ABCA12: variants seen among roughly 807,000 people sequenced by gnomAD.
ABCA12 encodes ATP binding cassette subfamily A member 12.
Under a neutral mutation model 293.5 loss-of-function variants are expected in ABCA12, and 156 were observed. The observed-to-expected ratio is 0.53, with a 90% CI of 0.47 to 0.61. The LOEUF is 0.61. Ranked by LOEUF, ABCA12 falls within the 20% of genes least tolerant of loss-of-function variation. The probability of loss-of-function intolerance (pLI) is 0.00; values close to 1 mark genes in which losing one functional copy is unlikely to be tolerated. For synonymous variants in ABCA12, 1,063 were observed against 1,108.0 expected, an observed-to-expected ratio of 0.96 and a Z score of 0.81; for missense variants, 2,797 against 3,090.2, an observed-to-expected ratio of 0.91 and a Z score of 2.25.
chr2:215,046,092 C>A, intron 6 of ABCA12, 77 bp from the exon 7 acceptor site: 1 of 1,448,530 alleles, frequency 6.9e-7, no homozygotes, highest in South Asian at 1.2e-5. Context: ...TTTTTAAAAG[C>A]ATCAAAAATC....
intron 37 of ABCA12, among the ~76,000 whole-genome samples, chr2:214,969,222 A>T (rs911897757): frequency 5.9e-5 from 9 of 152,048 alleles, no homozygotes; most frequent in African/African-American, 1.9e-4. Context: ...TCTTCTATAT[A>T]ACAAATTTTC....
chr2:215,019,568 G>T lies in ABCA12; in HGVS notation c.1516C>A (p.Pro506Thr), dbSNP rs770316246. The T allele has an allele frequency of 4.3e-6, 7 of 1,614,112 alleles. 1 individual carries two copies. The Admixed American group carries it at 5.0e-5, about 12-fold the overall frequency. ...TCCATATTTAAATTAATTTTGCTTGGATCTCCAGTCAGCAAATCTCTCACT... is the reference window on the plus strand; with the variant it reads ...TCCATATTTAAATTAATTTTGCTTGTATCTCCAGTCAGCAAATCTCTCACT... ...KKVRDLLTGD[P>T]SKINLNMDQF... Residue 506 changes from proline (P) to threonine (T), a missense_variant, in exon 12 of 53, where the codon CCA becomes ACA. Physicochemically the swap from Pro to Thr is conservative, Grantham distance 38. Transcript: ENST00000272895.
rs760085882 is a variant in ABCA12, at chr2:214,973,987, T to C, written c.5524A>G (p.Thr1842Ala). The change falls in exon 36 of 53, where the codon ACT (threonine) becomes GCT (alanine). Residue 1842 changes from threonine (T) to alanine (A), a missense_variant. Transcript: ENST00000272895. ...GAGCAGGAGCAAACACCAAAATTAGTGATGGGTTCTCCACTGGTGTTCCAT... is the reference window on the plus strand; with the variant it reads ...GAGCAGGAGCAAACACCAAAATTAGCGATGGGTTCTCCACTGGTGTTCCAT... Reference protein sequence around the residue: ...EKWNTSGEPITNFGVCSCSEN... With the variant: ...EKWNTSGEPIANFGVCSCSEN... 6 of 1,613,930 alleles carry C rather than the reference T, an allele frequency of 3.7e-6. No individual in the cohort carries two copies. In the Admixed American group the frequency reaches 5.0e-5, roughly 13 times the overall value.
At chr2:215,120,299 G>A (rs1239211356) in intron 1 of ABCA12, among the ~76,000 whole-genome samples, 1 of 152,040 alleles carries the variant, frequency 6.6e-6, no homozygotes, top group Non-Finnish European at 1.5e-5. Flanking sequence ...GGAGACATGG[G>A]TTGAAAAACT....
chr2:215,051,609 AGTGTGTGTGTGTGTGTGT>A (rs3050094), intron 5 of ABCA12, among the ~76,000 whole-genome samples: 1 of 121,354 alleles, frequency 8.2e-6, no homozygotes, highest in African/African-American at 2.8e-5. Context: ...TAAAAACGCT[AGTGTGTGTGTGTGTGTGT>A]GTGTGTGTGT....
intron 8 of ABCA12, among the ~76,000 whole-genome samples, chr2:215,035,429 G>A (rs1291208548): frequency 4.6e-5 from 7 of 152,024 alleles, no homozygotes; most frequent in Non-Finnish European, 1.0e-4. Flanking sequence ...CAGCACTTTG[G>A]GAGGCTGAGG....
Position 214,983,628 on chromosome 2 carries a change from C to T in ABCA12, c.4382+19G>A. 1 of 1,609,970 alleles carries T rather than the reference C, an allele frequency of 6.2e-7. No homozygotes were observed. On this transcript the variant is annotated intron_variant, in intron 29 of 52. Coordinates refer to ENST00000272895, the MANE Select transcript of ABCA12 (RefSeq NM_173076.3). ...GAGAGGAGTTAGCAACTTAGGTTCT[C>T]ATTCCTGTCTTAACTTGCCTTTTTA...
At position 214,932,540 on chromosome 2, in the gene ABCA12, TA is replaced by T; in HGVS notation, c.*93del. 1 of 941,676 alleles carries T rather than the reference TA, an allele frequency of 1.1e-6. No homozygotes were observed. The highest frequency in any genetic ancestry group is 1.7e-6 in the Non-Finnish European group (1 of 589,980). 58.3% of individuals were successfully genotyped at this position (941,676 alleles called of 1,614,324 possible). On this transcript the variant is annotated 3_prime_UTR_variant, in exon 53 of 53. Transcript: ENST00000272895. ...TTCCATACAGTATATTACTTTACTT[TA>T]AAATGAAGATATCTTGCGGAAGTGT...
intron 1 of ABCA12, among the ~76,000 whole-genome samples, chr2:215,117,503 T>G (rs1480142879): frequency 6.6e-6 from 1 of 152,228 alleles, no homozygotes; most frequent in Admixed American, 6.5e-5. Flanking sequence ...TCTAGTAATA[T>G]TTTCCTCTGC....
chr2:215,082,928 T>C (rs984135992), intron 2 of ABCA12, among the ~76,000 whole-genome samples: 4 of 152,248 alleles, frequency 2.6e-5, no homozygotes, highest in South Asian at 2.1e-4. Flanking sequence ...TAAACATCAT[T>C]TCCCTTCTTA....
intron 2 of ABCA12, among the ~76,000 whole-genome samples, chr2:215,094,468 C>A (rs562077721): frequency 6.6e-6 from 1 of 152,202 alleles, no homozygotes; most frequent in Non-Finnish European, 1.5e-5. Flanking sequence ...CCTTCCCACT[C>A]AAGGCAAATG....
At chr2:215,031,780 A>C (rs755106145) in intron 9 of ABCA12, 41 bp downstream of exon 9, 2 of 1,612,238 alleles carry the variant, frequency 1.2e-6, no homozygotes, top group Non-Finnish European at 1.7e-6. Flanking sequence ...TTGTTTATTC[A>C]GCCAAGTTAT....
chr2:215,068,176 T>C (rs1441743881), intron 2 of ABCA12, among the ~76,000 whole-genome samples: 2 of 152,152 alleles, frequency 1.3e-5, no homozygotes, highest in African/African-American at 4.8e-5. Flanking sequence ...AATAAAAATT[T>C]CAGATCCCAC....
In ABCA12 at chr2:215,035,525, C is replaced by T. The variant is rs1010630799; in HGVS notation, c.985+1428G>A. Reference sequence around the variant, plus strand: ...TCTACTAAAAATACAAAAAAGTAGCCGGGCGTGGTAGGCGCCTGTAATCCC... The same window carrying T: ...TCTACTAAAAATACAAAAAAGTAGCTGGGCGTGGTAGGCGCCTGTAATCCC... On this transcript the variant is annotated intron_variant, in intron 8 of 52. Coordinates refer to ENST00000272895, the MANE Select transcript of ABCA12 (RefSeq NM_173076.3). Among the ~76,000 whole-genome samples the T allele has an allele frequency of 3.3e-5, 5 of 151,534 alleles. No homozygotes were observed. The East Asian group carries it at 7.7e-4, about 23-fold the overall frequency.
At chr2:215,036,189 C>T (rs73987784) in intron 8 of ABCA12, among the ~76,000 whole-genome samples, 1,782 of 152,220 alleles carry the variant, frequency 0.012, 26 homozygotes, top group African/African-American at 0.037. Context: ...TATTGTTGGA[C>T]CCTCCAGTGA....
chr2:215,014,255 T>C (rs1169081691), intron 15 of ABCA12, among the ~76,000 whole-genome samples: 6 of 151,562 alleles, frequency 4.0e-5, no homozygotes, highest in African/African-American at 1.2e-4. Flanking sequence ...GAAGCCAGAA[T>C]AGGAAAAGGG....
intron 51 of ABCA12, among the ~76,000 whole-genome samples, chr2:214,937,190 T>TTTGTTA (rs889045510): frequency 6.7e-6 from 1 of 149,390 alleles, no homozygotes; most frequent in Non-Finnish European, 1.5e-5. Flanking sequence ...TGGTTTTTTG[T>TTTGTTA]TTGTTTTTGT....
intron 14 of ABCA12, 122 bp from the exon 15 acceptor site, chr2:215,015,785 C>T: frequency 4.8e-6 from 4 of 839,424 alleles, no homozygotes; most frequent in Non-Finnish European, 7.7e-6. Flanking sequence ...AAGAATCAAA[C>T]AACTTTTCAT....
intron 48 of ABCA12, among the ~76,000 whole-genome samples, 162 bp from the exon 49 acceptor site, chr2:214,945,266 A>T (rs183743506): frequency 1.4e-3 from 216 of 152,282 alleles, no homozygotes; most frequent in African/African-American, 4.8e-3. Flanking sequence ...TGCTGTCAAA[A>T]AGTTCAAAAT....
Sources: gnomAD v4.1 joint callset for allele counts (sites outside exome capture counted in the v4.1 genomes callset) on GRCh38, gnomAD v4.1.1 for gene constraint, MANE v1.5 for transcripts, NCBI Gene and HGNC (gene_info 2026-07-23, HGNC 2026-07-21) for gene names.